ZNF536: variants seen among roughly 807,000 people sequenced by gnomAD.
The protein encoded by ZNF536 is zinc finger protein 536.
A neutral mutation model predicts 84.5 loss-of-function variants in ZNF536; 13 were observed. The ratio of observed to expected loss-of-function variants is 0.15; its 90% CI spans 0.10 to 0.24. The LOEUF (loss-of-function observed/expected upper bound fraction) is 0.24, where lower values mean the gene tolerates loss of function less well. Ranked by LOEUF, ZNF536 falls within the 10% of genes least tolerant of loss-of-function variation. The probability of loss-of-function intolerance (pLI) is 1.00; values close to 1 mark genes in which losing one functional copy is unlikely to be tolerated. For synonymous variants in ZNF536, 811 were observed against 742.5 expected (o/e 1.09, Z -1.50); for missense variants, 1,536 against 1,747.5 (o/e 0.88, Z 2.16).
intron 2 of ZNF536, among the ~76,000 whole-genome samples, chr19:30,323,998 T>C (rs1176913863): frequency 6.6e-6 from 1 of 151,952 alleles, no homozygotes; most frequent in African/African-American, 2.4e-5. Context: ...TATTCACCTG[T>C]ACTCACCCAT....
intron 2 of ZNF536, among the ~76,000 whole-genome samples, chr19:30,294,894 G>A (rs938454230): frequency 6.6e-6 from 1 of 152,178 alleles, no homozygotes; most frequent in Non-Finnish European, 1.5e-5. Flanking sequence ...AAGGAGTGCT[G>A]CTCTTGGAGT....
chr19:30,254,294 G>A (rs1335512573), intron 1 of ZNF536, among the ~76,000 whole-genome samples: 2 of 152,074 alleles, frequency 1.3e-5, no homozygotes, highest in Non-Finnish European at 2.9e-5. Flanking sequence ...TAATCCATCT[G>A]TCATCTTCTA....
At chr19:30,396,637 C>T (rs1236454429) in intron 1 of ZNF536, among the ~76,000 whole-genome samples, 2 of 145,698 alleles carry the variant, frequency 1.4e-5, no homozygotes, top group Admixed American at 1.4e-4. Context: ...CTCTGTCGCC[C>T]AGGCTGGAGT....
intron 1 of ZNF536, among the ~76,000 whole-genome samples, chr19:30,587,642 T>G (rs925830705): frequency 6.6e-6 from 1 of 152,246 alleles, no homozygotes; most frequent in Non-Finnish European, 1.5e-5. Flanking sequence ...TTCAGCCTCC[T>G]AAACTGGAGA....
intron 3 of ZNF536, among the ~76,000 whole-genome samples, chr19:30,536,896 C>T (rs926137505): frequency 2.6e-5 from 4 of 152,210 alleles, no homozygotes; most frequent in African/African-American, 9.6e-5. Flanking sequence ...TGCTGCTTCC[C>T]CTTCAGAGTC....
rs1171244562 is a variant in ZNF536 at position 30,313,910 on chromosome 19, C to T, written c.-120+29769C>T. On this transcript the variant is annotated intron_variant, in intron 2 of 5. Transcript: ENST00000585628. ...GCCCTGTCCCTCGCTCCGCACTATG[C>T]GGACTTCAGAGTAAAGAATAGAGGT... Among the ~76,000 whole-genome samples the T allele has an allele frequency of 4.6e-5, 7 of 152,316 alleles. No individual in the cohort carries two copies. The South Asian group carries it at 1.2e-3, about 27-fold the overall frequency.
chr19:30,685,916 G>C (rs2147864115), intron 1 of ZNF536, among the ~76,000 whole-genome samples: 1 of 152,324 alleles, frequency 6.6e-6, no homozygotes, highest in East Asian at 1.9e-4. Flanking sequence ...ATTTGCGTGA[G>C]GCCATCTGTA....
chr19:30,265,813 G>T (rs2025481074), intron 1 of ZNF536, among the ~76,000 whole-genome samples: 1 of 152,302 alleles, frequency 6.6e-6, no homozygotes, highest in East Asian at 1.9e-4. Flanking sequence ...TTTCTTCAGA[G>T]CTCCTAGATT....
intron 1 of ZNF536, among the ~76,000 whole-genome samples, chr19:30,386,093 C>T (rs181206304): frequency 6.5e-4 from 99 of 152,296 alleles, no homozygotes; most frequent in African/African-American, 2.2e-3. Context: ...CCCATCCCAC[C>T]TTCCCAGCTT....
intron 2 of ZNF536, among the ~76,000 whole-genome samples, chr19:30,504,704 C>T (rs2055094959): frequency 6.6e-6 from 1 of 151,234 alleles, no homozygotes; most frequent in African/African-American, 2.4e-5. Flanking sequence ...AGTACCCACC[C>T]ACTGAGCATC....
At position 30,557,232 on chromosome 19, in the gene ZNF536, C is replaced by A. The variant is rs2146375056; in HGVS notation, c.*68C>A. The A allele has an allele frequency of 6.4e-7, 1 of 1,556,342 alleles. No individual in the cohort carries two copies. ...GTTCGTGGTCCTCGGTGGTTATCTG[C>A]AGCTTGTTAATCGTGTAAAGTCAAG... On this transcript the variant is annotated 3_prime_UTR_variant, in exon 5 of 5. Transcript: ENST00000355537.
chr19:30,505,093 G>A (rs1000926815), intron 2 of ZNF536, among the ~76,000 whole-genome samples: 1 of 151,874 alleles, frequency 6.6e-6, no homozygotes, highest in African/African-American at 2.4e-5. Context: ...CCCAGTAGCT[G>A]TTTATATTTA....
At chr19:30,442,858 A>G (rs577776523) in intron 1 of ZNF536, among the ~76,000 whole-genome samples, 5 of 152,368 alleles carry the variant, frequency 3.3e-5, no homozygotes, top group Admixed American at 6.5e-5. Flanking sequence ...CATGTGTTAC[A>G]GCACCTAGTA....
upstream of ZNF536, among the ~76,000 whole-genome samples, chr19:30,368,766 T>G (rs1157848783): frequency 6.6e-6 from 1 of 152,232 alleles, no homozygotes; most frequent in Non-Finnish European, 1.5e-5. Context: ...TTCCATGGAT[T>G]CGACAGCGGA....
chr19:30,542,497 T>C (rs2045371511), intron 3 of ZNF536, among the ~76,000 whole-genome samples: 1 of 152,202 alleles, frequency 6.6e-6, no homozygotes, highest in Non-Finnish European at 1.5e-5. Flanking sequence ...ATTAATCAAT[T>C]GGAATGATGA....
At chr19:30,270,456 A>C (rs1177098883) in intron 1 of ZNF536, among the ~76,000 whole-genome samples, 1 of 152,216 alleles carries the variant, frequency 6.6e-6, no homozygotes, top group Non-Finnish European at 1.5e-5. Context: ...CAAAAGAACA[A>C]TTGCACTTGA....
chr19:30,404,990 T>C (rs1279328720), intron 1 of ZNF536, among the ~76,000 whole-genome samples: 1 of 152,240 alleles, frequency 6.6e-6, no homozygotes. Context: ...GTTTACCAGT[T>C]TATTATCAAC....
intron 2 of ZNF536, among the ~76,000 whole-genome samples, chr19:30,290,185 T>C (rs911041369): frequency 2.0e-5 from 3 of 152,252 alleles, no homozygotes; most frequent in Non-Finnish European, 4.4e-5. Flanking sequence ...TTCATCCATA[T>C]TGTGGCCTGT....
chr19:30,492,475 G>A (rs1486602370), intron 2 of ZNF536, among the ~76,000 whole-genome samples: 3 of 152,082 alleles, frequency 2.0e-5, no homozygotes, highest in Non-Finnish European at 4.4e-5. Flanking sequence ...TCATATATCA[G>A]AACATATTTC....
Sources: gnomAD v4.1 joint callset for allele counts (sites outside exome capture counted in the v4.1 genomes callset) on GRCh38, gnomAD v4.1.1 for gene constraint, MANE v1.5 for transcripts, NCBI Gene and HGNC (gene_info 2026-07-23, HGNC 2026-07-21) for gene names.